The following ADAP1 variants were observed in gnomAD, a reference collection of about 807,000 sequenced individuals.
ADAP1 encodes the protein arf-GAP with dual PH domain-containing protein 1.
ADAP1 carries 31 observed loss-of-function variants against 54.9 expected under a neutral mutation model. That is an observed-to-expected ratio of 0.56 (90% confidence interval 0.42 to 0.76). The LOEUF (loss-of-function observed/expected upper bound fraction) is 0.76. Ranked by LOEUF, ADAP1 falls within the 30% of genes least tolerant of loss-of-function variation. The probability of loss-of-function intolerance (pLI) is 0.00; values close to 1 mark genes in which losing one functional copy is unlikely to be tolerated. For synonymous variants in ADAP1, 313 were observed against 202.6 expected, an observed-to-expected ratio of 1.55 and a Z score of -4.63; for missense variants, 535 against 512.4, an observed-to-expected ratio of 1.04 and a Z score of -0.42.
At chr7:941,114 A>T (rs944088686) in intron 1 of ADAP1, among the ~76,000 whole-genome samples, 2 of 152,266 alleles carry the variant, frequency 1.3e-5, no homozygotes, top group Non-Finnish European at 2.9e-5. Flanking sequence ...AAAATGCAAC[A>T]TCCTGATAAA....
intron 5 of ADAP1, among the ~76,000 whole-genome samples, 187 bp downstream of exon 5, chr7:904,873 C>A (rs887032233): frequency 6.6e-6 from 1 of 152,236 alleles, no homozygotes; most frequent in Non-Finnish European, 1.5e-5. Context: ...CTGCCCCACC[C>A]TGGGGGACGC....
chr7:919,766 G>GGGAGAT lies in ADAP1; in HGVS notation c.388+201_388+202insATCTCC, dbSNP rs1846099637. ...GGAGAGGGAGGGAGATGGGGGGGAA[G>GGGAGAT]GGGGGAGAGGGAGGGAGATGGGGGA... On this transcript the variant is annotated intron_variant, in intron 4 of 10. Coordinates refer to ENST00000265846, the MANE Select transcript of ADAP1 (RefSeq NM_006869.4). Among the ~76,000 whole-genome samples the GGGAGAT allele has an allele frequency of 6.6e-4, 7 of 10,604 alleles. 1 individual carries two copies. Among genetic ancestry groups the GGGAGAT allele is most frequent in the African/African-American group, 1.7e-3 (3 of 1,742 alleles). The allele number at this position is 10,604 out of a possible 152,430, so 7.0% of individuals were successfully genotyped here.
Position 904,179 on chromosome 7 carries a change from A to G in ADAP1, c.595T>C (p.Tyr199His). The G allele has an allele frequency of 6.2e-7, 1 of 1,612,402 alleles. No individual in the cohort carries two copies. Among genetic ancestry groups the G allele is most frequent in the Non-Finnish European group, 8.5e-7 (1 of 1,179,768 alleles). ...IGHPHGLQVT[Y>H]LKDNSTRNIF... is the part of the protein sequence containing the mutation. ...TTACGGGTGCTGTTGTCCTTCAGGT[A>G]GGTGACCTGCAGGCCGTGGGGGTGG... The change falls in exon 6 of 11, where the codon TAC (tyrosine) becomes CAC (histidine). Residue 199 changes from tyrosine to histidine, a missense_variant. Transcript: ENST00000265846.
chr7:954,413 G>T lies in ADAP1; in HGVS notation c.65C>A (p.Ala22Glu). The change falls in exon 1 of 11, where the codon GCG becomes GAG. Residue 22 changes from alanine to glutamate, a missense_variant. By Grantham distance (107) the Ala-to-Glu change is moderately radical (BLOSUM62 -1). Transcript: ENST00000265846. The stretch of plus-strand genomic sequence containing the variant: ...ACACCTACCCGGGGCGCCGCAGTCC[G>T]CGCAGCGCGCGTTCCCCGGCCGCTG... The part of the protein sequence containing the change: ...LLQRPGNARC[A>E]DCGAPDPDWA... 8.9e-7 allele frequency: 1 copy of T among 1,123,564 alleles called. No homozygotes were observed. Among genetic ancestry groups the T allele is most frequent in the Non-Finnish European group, 1.1e-6 (1 of 907,186 alleles). The allele number at this position is 1,123,564 out of a possible 1,614,324, so 69.6% of individuals were successfully genotyped here.
chr7:937,112 G>T (rs902003063), intron 1 of ADAP1, among the ~76,000 whole-genome samples: 1 of 116,340 alleles, frequency 8.6e-6, no homozygotes, highest in Non-Finnish European at 1.9e-5. Context: ...TCGGATTTGG[G>T]GGTCACGCCC....
chr7:904,058 C>A, intron 6 of ADAP1, 68 bp downstream of exon 6: 1 of 1,594,766 alleles, frequency 6.3e-7, no homozygotes, highest in South Asian at 1.1e-5. Context: ...ACCCACCTTC[C>A]TGCGCCACCC....
rs1161691525 is a variant in ADAP1, at chr7:920,247, T to A, written c.306-197A>T. Among the ~76,000 whole-genome samples, 1 of 151,850 alleles carries A rather than the reference T, an allele frequency of 6.6e-6. No homozygotes were observed. The highest frequency in any genetic ancestry group is 6.6e-5 in the Admixed American group (1 of 15,264). On this transcript the variant is annotated intron_variant, in intron 3 of 10. Transcript: ENST00000265846. This position sits in a 1 kb window ranked among gnomAD's most constrained non-coding sequence, Gnocchi z 4.5. ...CCCGGGACGCTTCTCACTCTGATATTAGTTTATTGGTTTCTTGTGCGTTCG... is the reference window on the plus strand; with the variant it reads ...CCCGGGACGCTTCTCACTCTGATATAAGTTTATTGGTTTCTTGTGCGTTCG...
In ADAP1 at chr7:926,584, A is replaced by T; in HGVS notation, c.274T>A (p.Phe92Ile). The change falls in exon 3 of 11, where the codon TTC (phenylalanine) becomes ATC (isoleucine). Residue 92 changes from phenylalanine to isoleucine, a missense_variant. Physicochemically the swap from Phe to Ile is conservative, Grantham distance 21. Coordinates refer to ENST00000265846, the MANE Select transcript of ADAP1 (RefSeq NM_006869.4). The surrounding 1 kb of genome is among the most constrained non-coding windows in gnomAD (Gnocchi z 4.6). ...TCGGAGGGCGTGGGCCGGTAGTAGA[A>T]GGAGGGTACTTTGGACTCAAACCTG... ...RARFESKVPS[F>I]YYRPTPSDCQ... 3 of 1,541,850 alleles carry T rather than the reference A, an allele frequency of 1.9e-6. No individual in the cohort carries two copies. The highest frequency in any genetic ancestry group is 2.6e-6 in the Non-Finnish European group (3 of 1,144,382).
chr7:905,229 G>A (rs900543148), intron 4 of ADAP1, 57 bp from the exon 5 acceptor site: 20 of 1,392,536 alleles, frequency 1.4e-5, no homozygotes, highest in South Asian at 1.2e-4. Context: ...GGAAACAAAA[G>A]GAGTGACGAT....
At chr7:909,668 C>G (rs577156387) in intron 4 of ADAP1, among the ~76,000 whole-genome samples, 1 of 152,246 alleles carries the variant, frequency 6.6e-6, no homozygotes, top group African/African-American at 2.4e-5. Context: ...CGGGGCTTCT[C>G]CCCACAGAGC....
intron 4 of ADAP1, among the ~76,000 whole-genome samples, chr7:906,769 GGGGGACA>G (rs57396910): frequency 0.36 from 13,220 of 36,486 alleles, 1,712 homozygotes; most frequent in South Asian, 0.48. Flanking sequence ...CAGGGGACAT[GGGGGACA>G]GGGGACACGG....
chr7:926,503 G>A lies in ADAP1; in HGVS notation c.305+50C>T. The A allele has an allele frequency of 6.8e-7, 1 of 1,464,460 alleles. No individual in the cohort carries two copies. Among genetic ancestry groups the A allele is most frequent in the South Asian group, 1.3e-5 (1 of 75,768 alleles). The allele number at this position is 1,464,460 out of a possible 1,614,324, so 90.7% of individuals were successfully genotyped here. ...GCCGGGTCCTCCCGGGGCCATCTCG[G>A]AGCCACCCAGCACTTGACCATGGCC... On this transcript the variant is annotated intron_variant, in intron 3 of 10. Coordinates refer to ENST00000265846, the MANE Select transcript of ADAP1 (RefSeq NM_006869.4). The surrounding 1 kb of genome is among the most constrained non-coding windows in gnomAD (Gnocchi z 4.6).
chr7:905,134 T>C lies in ADAP1; in HGVS notation c.427A>G (p.Asn143Asp), dbSNP rs1231242017. 1 of 1,612,422 alleles carries C rather than the reference T, an allele frequency of 6.2e-7. No homozygotes were observed. Among genetic ancestry groups the C allele is most frequent in the African/African-American group, 1.3e-5 (1 of 75,050 alleles). ...AACTTCCGGCTCAAAAACTGCCCGTTGTCCCGGCCACGCTTCCAGAGAAAA... is the reference window on the plus strand; with the variant it reads ...AACTTCCGGCTCAAAAACTGCCCGTCGTCCCGGCCACGCTTCCAGAGAAAA... ...EGFLWKRGRD[N>D]GQFLSRKFVL... The change falls in exon 5 of 11, where the codon AAC becomes GAC. Residue 143 changes from asparagine (N) to aspartate (D), a missense_variant. Coordinates refer to ENST00000265846, the MANE Select transcript of ADAP1 (RefSeq NM_006869.4).
At chr7:908,088 G>T (rs1387966019) in intron 4 of ADAP1, among the ~76,000 whole-genome samples, 1 of 152,190 alleles carries the variant, frequency 6.6e-6, no homozygotes, top group Non-Finnish European at 1.5e-5. Context: ...CTGGCCATGT[G>T]GCCTGGGAGC....
At position 898,391 on chromosome 7, in the gene ADAP1, T is replaced by C; in HGVS notation, c.*530A>G. On this transcript the variant is annotated 3_prime_UTR_variant, in exon 11 of 11. Coordinates refer to ENST00000265846, the MANE Select transcript of ADAP1 (RefSeq NM_006869.4). ...TCCAGCCCGGGCAGGGGCCGGGACCTGTGTGGATAATCCACCCAAACACCC... is the reference window on the plus strand; with the variant it reads ...TCCAGCCCGGGCAGGGGCCGGGACCCGTGTGGATAATCCACCCAAACACCC... 1 of 186,684 alleles carries C rather than the reference T, an allele frequency of 5.4e-6. No homozygotes were observed. The highest frequency in any genetic ancestry group is 1.1e-5 in the Non-Finnish European group (1 of 88,290). 11.6% of individuals were successfully genotyped at this position (186,684 alleles called of 1,614,324 possible).
intron 4 of ADAP1, among the ~76,000 whole-genome samples, chr7:906,792 G>GGGACAT (rs1845469489): frequency 2.8e-5 from 1 of 36,266 alleles, no homozygotes; most frequent in African/African-American, 9.9e-5. Context: ...CACGGGGGAC[G>GGGACAT]GGACAGGGGA....
chr7:904,024 C>G (rs926745099), intron 6 of ADAP1, 102 bp downstream of exon 6: 66 of 1,476,002 alleles, frequency 4.5e-5, no homozygotes, highest in Non-Finnish European at 5.6e-5. Flanking sequence ...AGCTCAAGTG[C>G]CTACCCTCCC....
At chr7:918,119 G>T (rs528993540) in intron 4 of ADAP1, among the ~76,000 whole-genome samples, 1 of 152,126 alleles carries the variant, frequency 6.6e-6, no homozygotes, top group Non-Finnish European at 1.5e-5. Flanking sequence ...GTAGAGACGG[G>T]GTTTCACCAT....
chr7:946,389 T>C lies in ADAP1; in HGVS notation c.82+8007A>G, dbSNP rs1384943436. Among the ~76,000 whole-genome samples, 1 of 151,934 alleles carries C rather than the reference T, an allele frequency of 6.6e-6. No individual in the cohort carries two copies. On this transcript the variant is annotated intron_variant, in intron 1 of 10. Transcript: ENST00000265846. This position sits in a 1 kb window ranked among gnomAD's most constrained non-coding sequence, Gnocchi z 4.3. Reference sequence around the variant, plus strand: ...ACGGGCGGCCCTGGTCCCATTCCATTGTGAGGATGGGGCCCTTTGGCCCTA... The same window carrying C: ...ACGGGCGGCCCTGGTCCCATTCCATCGTGAGGATGGGGCCCTTTGGCCCTA...
Sources: allele counts gnomAD v4.1 joint callset (sites outside exome capture counted in the v4.1 genomes callset), GRCh38; gene constraint gnomAD v4.1.1; non-coding constraint Gnocchi (gnomAD v3.1); transcripts MANE v1.5; gene names NCBI Gene and HGNC (gene_info 2026-07-23, HGNC 2026-07-21).